The following STK33 variants were observed in gnomAD, a reference collection of about 807,000 sequenced individuals.
The protein encoded by STK33 is serine/threonine-protein kinase 33.
In STK33, 52 loss-of-function variants were observed where a neutral mutation model predicts 58.0. That is an observed-to-expected ratio of 0.90 (90% CI 0.72 to 1.13). The LOEUF is 1.13. Ranked by LOEUF, STK33 falls within the 50% of genes most tolerant of loss-of-function variation. The pLI, the probability that STK33 is intolerant of heterozygous loss-of-function variation, is 0.00. For missense variants in STK33, 630 were observed against 604.2 expected, an observed-to-expected ratio of 1.04 and a Z score of -0.45; for synonymous variants, 215 against 200.1, an observed-to-expected ratio of 1.07 and a Z score of -0.63.
the STK33 span, among the ~76,000 whole-genome samples, chr11:8,354,623 A>T: frequency 1.3e-5 from 2 of 152,186 alleles, no homozygotes; most frequent in Non-Finnish European, 2.9e-5. Flanking sequence ...CCATCCAGGT[A>T]CACTTCCACC....
At chr11:8,549,008 T>C (rs1956130022) in intron 1 of STK33, among the ~76,000 whole-genome samples, 1 of 152,138 alleles carries the variant, frequency 6.6e-6, no homozygotes, top group Admixed American at 6.5e-5. Flanking sequence ...AGAAAGCCAA[T>C]TTATCCTTTT....
At chr11:8,564,685 A>T (rs1268737737) in intron 1 of STK33, among the ~76,000 whole-genome samples, 1 of 152,194 alleles carries the variant, frequency 6.6e-6, no homozygotes, top group Non-Finnish European at 1.5e-5. Flanking sequence ...CCTTATTAAA[A>T]GCATTCTTAG....
chr11:8,367,946 G>A, the STK33 span, among the ~76,000 whole-genome samples: 2 of 152,128 alleles, frequency 1.3e-5, no homozygotes, highest in African/African-American at 4.8e-5. Flanking sequence ...TGTCCAGAGT[G>A]ACTTGGGCCA....
chr11:8,495,638 G>C (rs2138891315), intron 1 of STK33, among the ~76,000 whole-genome samples: 1 of 152,058 alleles, frequency 6.6e-6, no homozygotes, highest in Non-Finnish European at 1.5e-5. Context: ...ACTATAAAGA[G>C]ACACGCACAT....
intron 1 of STK33, among the ~76,000 whole-genome samples, chr11:8,486,004 AT>A (rs1319551663): frequency 6.6e-6 from 1 of 152,138 alleles, no homozygotes; most frequent in Admixed American, 6.5e-5. Flanking sequence ...TCTCAAATCC[AT>A]CAGTTTTCTC....
the STK33 span, among the ~76,000 whole-genome samples, chr11:8,344,230 C>CACA: frequency 2.0e-5 from 3 of 147,502 alleles, no homozygotes; most frequent in Non-Finnish European, 3.0e-5. Context: ...CACACACACA[C>CACA]CCCAGTTAGC....
intron 1 of STK33, among the ~76,000 whole-genome samples, chr11:8,485,248 TA>T (rs914850084): frequency 6.6e-6 from 1 of 152,166 alleles, no homozygotes; most frequent in African/African-American, 2.4e-5. Flanking sequence ...ATATAAAGTC[TA>T]AAAATATGAG....
the STK33 span, among the ~76,000 whole-genome samples, chr11:8,386,069 G>A: frequency 1.1e-3 from 169 of 152,308 alleles, 1 homozygote; most frequent in South Asian, 7.0e-3. Context: ...CACCGCGCCC[G>A]GCCAATCCAG....
the STK33 span, among the ~76,000 whole-genome samples, chr11:8,365,867 C>A: frequency 2.0e-5 from 3 of 152,174 alleles, no homozygotes; most frequent in Non-Finnish European, 4.4e-5. Context: ...AGTCCTGGAA[C>A]TCGGGCTTCA....
intron 14 of STK33, among the ~76,000 whole-genome samples, chr11:8,430,024 A>G (rs1001841409): frequency 6.6e-6 from 1 of 152,222 alleles, no homozygotes; most frequent in Non-Finnish European, 1.5e-5. Flanking sequence ...TGAGAGGGAC[A>G]AAAGAGAAAA....
chr11:8,452,832 A>G lies in STK33; in HGVS notation c.861T>C (p.Pro287=), dbSNP rs369943803. The G allele has an allele frequency of 8.1e-6, 13 of 1,613,906 alleles. No homozygotes were observed. Among genetic ancestry groups the G allele is most frequent in the Non-Finnish European group, 1.1e-5 (13 of 1,179,856 alleles). ...EAMLQATCGT[P]IYMAPEVISA... ...AGTCTACTAACTTACCCATATAGAT[A>G]GGAGTCCCACATGTGGCCTGCAGCA... Residue 287 remains proline (P), a synonymous_variant, in exon 11 of 16, where the codon CCT becomes CCC. Coordinates refer to ENST00000687296, the MANE Select transcript of STK33 (RefSeq NM_001352389.2).
chr11:8,364,929 A>ACCC, the STK33 span, among the ~76,000 whole-genome samples: 56 of 146,196 alleles, frequency 3.8e-4, no homozygotes, highest in African/African-American at 1.3e-3. Flanking sequence ...ATTTCATGTG[A>ACCC]CCCCCCCCGC....
rs779445224 is a variant in STK33, at chr11:8,461,840, T to A, written c.523A>T (p.Ile175Phe). ...TCAAATACTTGTTCCAGATGTATGA[T>A]GTGTTCATGTTTTACACTTTTCAGA... ...NILKSVKHEH[I>F]IHLEQVFETP... The change falls in exon 8 of 16, where the codon ATC (isoleucine) becomes TTC (phenylalanine). Residue 175 changes from isoleucine (I) to phenylalanine (F), a missense_variant. Transcript: ENST00000687296. The A allele has an allele frequency of 6.2e-7, 1 of 1,602,270 alleles. No homozygotes were observed. Among genetic ancestry groups the A allele is most frequent in the Admixed American group, 1.7e-5 (1 of 57,336 alleles).
the STK33 span, among the ~76,000 whole-genome samples, chr11:8,343,536 C>T: frequency 6.6e-6 from 1 of 152,180 alleles, no homozygotes; most frequent in Non-Finnish European, 1.5e-5. Flanking sequence ...TGGAAATCCC[C>T]CGCACACTCG....
chr11:8,575,574 G>C (rs917193017), intron 1 of STK33, among the ~76,000 whole-genome samples: 12 of 152,128 alleles, frequency 7.9e-5, no homozygotes, highest in Non-Finnish European at 1.2e-4. Context: ...CAGTAGATTA[G>C]AGGTTATCAG....
rs2033061689 is a variant in STK33 at position 8,594,165 on chromosome 11, GAA to G, written c.-550_-549del. The stretch of plus-strand genomic sequence containing the variant: ...CTGAGCCCGGAATTCTGCACCGGGA[GAA>G]ACTTTTCAGCCCGCAGAGCAACCGC... On this transcript the variant is annotated 5_prime_UTR_variant, in exon 1 of 16. Coordinates refer to ENST00000687296, the MANE Select transcript of STK33 (RefSeq NM_001352389.2). 1 of 152,308 alleles carries G rather than the reference GAA, an allele frequency of 6.6e-6. No homozygotes were observed. Among genetic ancestry groups the G allele is most frequent in the Non-Finnish European group, 1.5e-5 (1 of 68,098 alleles). The allele number at this position is 152,308 out of a possible 1,614,324, so 9.4% of individuals were successfully genotyped here.
chr11:8,545,946 C>T (rs888324465), intron 1 of STK33, among the ~76,000 whole-genome samples: 42 of 152,168 alleles, frequency 2.8e-4, no homozygotes, highest in Non-Finnish European at 1.0e-4. Flanking sequence ...CACACACAGG[C>T]TATGTGGTAT....
the STK33 span, among the ~76,000 whole-genome samples, chr11:8,335,099 G>A: frequency 7.9e-5 from 12 of 152,214 alleles, no homozygotes; most frequent in African/African-American, 2.2e-4. Flanking sequence ...CATCAGGTGC[G>A]CGGAGGAATG....
chr11:8,583,054 C>T (rs1014613883), intron 1 of STK33, among the ~76,000 whole-genome samples: 1 of 152,172 alleles, frequency 6.6e-6, no homozygotes, highest in African/African-American at 2.4e-5. Context: ...CATTGGACAC[C>T]ACCAGAATGT....
Sources: gnomAD v4.1 joint callset for allele counts (sites outside exome capture counted in the v4.1 genomes callset) on GRCh38, gnomAD v4.1.1 for gene constraint, MANE v1.5 for transcripts, NCBI Gene and HGNC (gene_info 2026-07-23, HGNC 2026-07-21) for gene names.